The following ARHGAP39 variants were observed in gnomAD, a reference collection of about 807,000 sequenced individuals.
ARHGAP39 encodes the protein Rho GTPase activating protein 39, also known as rho GTPase-activating protein 39.
ARHGAP39 carries 44 observed loss-of-function variants against 106.9 expected under a neutral mutation model. That is an observed-to-expected ratio of 0.41 (90% CI 0.32 to 0.53). The LOEUF (loss-of-function observed/expected upper bound fraction) is 0.53, where lower values mean the gene tolerates loss of function less well. Among genes scored for constraint, ARHGAP39 ranks in the 20% least tolerant of loss-of-function variants. The probability of loss-of-function intolerance (pLI) is 0.21; values close to 1 mark genes in which losing one functional copy is unlikely to be tolerated. For missense variants in ARHGAP39, 1,496 were observed against 1,577.3 expected (o/e 0.95, Z 0.87); for synonymous variants, 768 against 693.2 (o/e 1.11, Z -1.69).
At chr8:144,652,971 C>A (rs150847256) in intron 1 of ARHGAP39, among the ~76,000 whole-genome samples, 1 of 151,968 alleles carries the variant, frequency 6.6e-6, no homozygotes, top group African/African-American at 2.4e-5. Context: ...AGGTTCTCAA[C>A]GTGATTTTAA....
chr8:144,685,923 G>T (rs1362967927), upstream of ARHGAP39, among the ~76,000 whole-genome samples: 1 of 150,206 alleles, frequency 6.7e-6, no homozygotes, highest in Non-Finnish European at 1.5e-5. Context: ...ACTACCCGCC[G>T]CCAGGGGGCA....
chr8:144,673,952 G>T (rs1048702564), intron 1 of ARHGAP39, among the ~76,000 whole-genome samples: 1 of 152,196 alleles, frequency 6.6e-6, no homozygotes, highest in Non-Finnish European at 1.5e-5. Context: ...CTTCCACTGT[G>T]GGCACCTGCA....
At chr8:144,656,035 A>G (rs1166584133) in intron 1 of ARHGAP39, among the ~76,000 whole-genome samples, 1 of 152,184 alleles carries the variant, frequency 6.6e-6, no homozygotes, top group East Asian at 1.9e-4. Flanking sequence ...AAAACCAAAA[A>G]CAAAGATTCT....
chr8:144,530,300 G>A lies in ARHGAP39; in HGVS notation c.*122C>T, dbSNP rs142534226. ...GGGGAGCGCCGGGGCCAGGGGCCTG[G>A]GGGAGTGGAGGGGGCTCCAGGGCTG... On this transcript the variant is annotated 3_prime_UTR_variant, in exon 12 of 12. Coordinates refer to ENST00000377307, the MANE Select transcript of ARHGAP39 (RefSeq NM_025251.3). 20,382 of 1,089,240 alleles carry A rather than the reference G, an allele frequency of 0.019. 236 individuals are homozygous for A. The highest frequency in any genetic ancestry group is 0.023 in the Non-Finnish European group (17,810 of 769,086). 67.5% of individuals were successfully genotyped at this position (1,089,240 alleles called of 1,614,324 possible). A position where few individuals can be genotyped will look rare whatever the true frequency, so the allele number is the denominator to read the frequency against.
In ARHGAP39 at chr8:144,530,461, G is replaced by C. The variant is rs1230300165; in HGVS notation, c.3306C>G (p.Ile1102Met). ...CCATGAAGCTGGTGTCCAGGTGCTG[G>C]ATGAGCACCCGCAGGAAGGACATCT... ...RKEMSFLRVL[I>M]QHLDTSFMEG... Residue 1102 changes from isoleucine to methionine, a missense_variant, in exon 12 of 12, where the codon ATC becomes ATG. By Grantham distance (10) the Ile-to-Met change is conservative. Transcript: ENST00000377307. 6 of 1,610,460 alleles carry C rather than the reference G, an allele frequency of 3.7e-6. No homozygotes were observed. Among genetic ancestry groups the C allele is most frequent in the Non-Finnish European group, 5.1e-6 (6 of 1,178,784 alleles).
chr8:144,673,606 A>C (rs978821655), intron 1 of ARHGAP39, among the ~76,000 whole-genome samples: 6 of 152,196 alleles, frequency 3.9e-5, no homozygotes, highest in Non-Finnish European at 8.8e-5. Flanking sequence ...TCTTCTGGAC[A>C]CTTCACATAA....
intron 1 of ARHGAP39, among the ~76,000 whole-genome samples, chr8:144,615,838 C>T (rs1409112935): frequency 6.6e-6 from 1 of 152,252 alleles, no homozygotes; most frequent in African/African-American, 2.4e-5. Context: ...AAGACACGAC[C>T]CCAGTGAGCA....
At chr8:144,540,798 GA>G (rs111358460) in intron 6 of ARHGAP39, among the ~76,000 whole-genome samples, 3 of 148,264 alleles carry the variant, frequency 2.0e-5, no homozygotes, top group Middle Eastern at 3.5e-3. Flanking sequence ...AACCTGTCTG[GA>G]AAAAAAAAAG....
chr8:144,689,809 G>A (rs535058455), upstream of ARHGAP39, among the ~76,000 whole-genome samples: 2 of 144,378 alleles, frequency 1.4e-5, no homozygotes, highest in South Asian at 2.2e-4. Context: ...GCAATGGCGT[G>A]ATCTCAGCTC....
At chr8:144,603,965 A>G (rs1430377140) in intron 2 of ARHGAP39, among the ~76,000 whole-genome samples, 1 of 152,226 alleles carries the variant, frequency 6.6e-6, no homozygotes, top group East Asian at 1.9e-4. Flanking sequence ...GAGCAAGCGC[A>G]ATATCAACCC....
chr8:144,617,165 C>A (rs1180953685), intron 1 of ARHGAP39, among the ~76,000 whole-genome samples: 1 of 151,942 alleles, frequency 6.6e-6, no homozygotes, highest in Non-Finnish European at 1.5e-5. Flanking sequence ...AGAGATTGTG[C>A]CACTGTACTC....
chr8:144,530,536 C>T lies in ARHGAP39; in HGVS notation c.3231G>A (p.Leu1077=). ...CGCGCGGGTCGTCGGACTGGCAGCG[C>T]AAGCAGTTGGGCGCCATCACCATGG... ...NLAMVMAPNC[L]RCQSDDPRVI... Residue 1077 remains leucine (L), a synonymous_variant, in exon 12 of 12, where the codon TTG becomes TTA. Coordinates refer to ENST00000377307, the MANE Select transcript of ARHGAP39 (RefSeq NM_025251.3). 6.2e-7 allele frequency: 1 copy of T among 1,611,758 alleles called. No individual in the cohort carries two copies. Among genetic ancestry groups the T allele is most frequent in the South Asian group, 1.1e-5 (1 of 90,934 alleles).
In ARHGAP39 at chr8:144,605,563, C is replaced by T; in HGVS notation, c.52G>A (p.Glu18Lys). ...ECRSHNVDLP[E>K]SRIPGSNTRL... ...GTGTTCGACCCTGGAATCCTCGACT[C>T]CGGCAGGTCGACATTATGGCTCCTG... The change falls in exon 2 of 12, where the codon GAG (glutamate) becomes AAG (lysine). Residue 18 changes from glutamate to lysine, a missense_variant. Coordinates refer to ENST00000377307, the MANE Select transcript of ARHGAP39 (RefSeq NM_025251.3). 1 of 1,614,026 alleles carries T rather than the reference C, an allele frequency of 6.2e-7. No individual in the cohort carries two copies. The highest frequency in any genetic ancestry group is 8.5e-7 in the Non-Finnish European group (1 of 1,180,040).
rs1822066937 is a variant in ARHGAP39 at position 144,670,176 on chromosome 8, C to G, written c.-82+15510G>C. Among the ~76,000 whole-genome samples, 1 of 152,172 alleles carries G rather than the reference C, an allele frequency of 6.6e-6. No individual in the cohort carries two copies. The highest frequency in any genetic ancestry group is 1.5e-5 in the Non-Finnish European group (1 of 68,032). ...GGGAAGCAGGATCAGGGCCTGGGACCAGGCGGCTGTAAAAAGCAACAGAGC... is the reference window on the plus strand; with the variant it reads ...GGGAAGCAGGATCAGGGCCTGGGACGAGGCGGCTGTAAAAAGCAACAGAGC... On this transcript the variant is annotated intron_variant, in intron 1 of 11. Transcript: ENST00000377307. The surrounding 1 kb of genome is among the most constrained non-coding windows in gnomAD (Gnocchi z 4.4).
At chr8:144,597,484 G>A (rs553303608) in intron 2 of ARHGAP39, among the ~76,000 whole-genome samples, 4 of 152,322 alleles carry the variant, frequency 2.6e-5, no homozygotes, top group African/African-American at 9.6e-5. Context: ...AGGAAGCCAC[G>A]TGCCCAGGCT....
intron 1 of ARHGAP39, among the ~76,000 whole-genome samples, chr8:144,668,477 T>G (rs966343538): frequency 6.6e-6 from 1 of 151,970 alleles, no homozygotes; most frequent in Non-Finnish European, 1.5e-5. Context: ...AACCAATACT[T>G]AGCAGGAAGA....
chr8:144,690,053 T>A (rs538651850), upstream of ARHGAP39, among the ~76,000 whole-genome samples: 23 of 152,218 alleles, frequency 1.5e-4, no homozygotes, highest in African/African-American at 4.8e-4. Flanking sequence ...GGCCTATTTT[T>A]AATTTTTTGA....
At chr8:144,533,371 G>C (rs1286019363) in intron 8 of ARHGAP39, 46 bp from the exon 9 acceptor site, 3 of 1,580,066 alleles carry the variant, frequency 1.9e-6, no homozygotes, top group South Asian at 2.2e-5. Flanking sequence ...GCCATCCTCA[G>C]GACCCCCCGC....
In ARHGAP39 at chr8:144,530,471, C is replaced by T. The variant is rs1816635290; in HGVS notation, c.3296G>A (p.Arg1099Gln). 4 of 1,611,118 alleles carry T rather than the reference C, an allele frequency of 2.5e-6. No individual in the cohort carries two copies. The African/African-American group carries it at 4.0e-5, about 16-fold the overall frequency. The change falls in exon 12 of 12, where the codon CGG becomes CAG. Residue 1099 changes from arginine (R) to glutamine (Q), a missense_variant. Arg to Gln is a conservative substitution (Grantham distance 43). Around this residue, in one of 4 missense-constraint regions of ARHGAP39, gnomAD observed 470 missense variants for 605.1 expected, o/e 0.78. Coordinates refer to ENST00000377307, the MANE Select transcript of ARHGAP39 (RefSeq NM_025251.3). ...GGTGTCCAGGTGCTGGATGAGCACC[C>T]GCAGGAAGGACATCTCCTTGCGGGT... is the stretch of plus-strand genomic sequence containing the variant. ...ENTRKEMSFL[R>Q]VLIQHLDTSF...
Sources: gnomAD v4.1 joint callset for allele counts (sites outside exome capture counted in the v4.1 genomes callset) on GRCh38, gnomAD v4.1.1 for gene constraint, gnomAD v4.1.1 regional missense constraint, Gnocchi (gnomAD v3.1) non-coding constraint, MANE v1.5 for transcripts, NCBI Gene and HGNC (gene_info 2026-07-23, HGNC 2026-07-21) for gene names.